The following FAM184B variants were observed in gnomAD, a reference collection of about 807,000 sequenced individuals.
The protein encoded by FAM184B is family with sequence similarity 184 member B, also known as protein FAM184B.
Under a neutral mutation model 135.9 loss-of-function variants are expected in FAM184B, and 111 were observed. That is an observed-to-expected ratio of 0.82 (90% CI 0.70 to 0.96). The LOEUF (loss-of-function observed/expected upper bound fraction) is 0.96. FAM184B is among the 40% of genes least tolerant of loss of function. The pLI is 0.00. For missense variants in FAM184B, 1,375 were observed against 1,323.9 expected, an observed-to-expected ratio of 1.04 and a Z score of -0.60; for synonymous variants, 552 against 524.8, an observed-to-expected ratio of 1.05 and a Z score of -0.71.
intron 10 of FAM184B, 87 bp from the exon 11 acceptor site, chr4:17,653,070 G>C (rs1715671593): frequency 7.6e-7 from 1 of 1,315,620 alleles, no homozygotes; most frequent in African/African-American, 1.5e-5. Context: ...TCTGAGCCAG[G>C]ATGCTCTGAA....
intron 5 of FAM184B, among the ~76,000 whole-genome samples, chr4:17,703,268 G>A (rs1480407970): frequency 2.0e-5 from 3 of 152,134 alleles, no homozygotes; most frequent in Non-Finnish European, 2.9e-5. Flanking sequence ...AGGCTAAGGT[G>A]GGAGGATCCC....
At chr4:17,645,974 A>G (rs2108933272) in intron 12 of FAM184B, among the ~76,000 whole-genome samples, 1 of 152,364 alleles carries the variant, frequency 6.6e-6, no homozygotes, top group East Asian at 1.9e-4. Flanking sequence ...GACACATGAA[A>G]AAAATGCTCA....
At position 17,777,396 on chromosome 4, in the gene FAM184B, TG is replaced by T. The variant is rs1374306137; in HGVS notation, c.141+3762del. ...TGAAAATGTCCCTAAAACTGGATTATGGTTATGGCTTAATGACTAAAACAAT... is the reference window on the plus strand; with the variant it reads ...TGAAAATGTCCCTAAAACTGGATTATGTTATGGCTTAATGACTAAAACAAT... On this transcript the variant is annotated intron_variant, in intron 1 of 17. Coordinates refer to ENST00000265018, the MANE Select transcript of FAM184B (RefSeq NM_015688.2). Among the ~76,000 whole-genome samples, 13 of 152,302 alleles carry T rather than the reference TG, an allele frequency of 8.5e-5. No homozygotes were observed. The East Asian group carries it at 2.5e-3, about 29-fold the overall frequency.
At position 17,724,239 on chromosome 4, in the gene FAM184B, G is replaced by A. The variant is rs1489211614; in HGVS notation, c.142-14595C>T. ...TTATCTTTAGATGGTAAGATTATGGGTGATCAATTTTTCTTCTTCTTTTTG... is the reference window on the plus strand; with the variant it reads ...TTATCTTTAGATGGTAAGATTATGGATGATCAATTTTTCTTCTTCTTTTTG... On this transcript the variant is annotated intron_variant, in intron 1 of 17. Coordinates refer to ENST00000265018, the MANE Select transcript of FAM184B (RefSeq NM_015688.2). Among the ~76,000 whole-genome samples, 11 of 152,250 alleles carry A rather than the reference G, an allele frequency of 7.2e-5. No homozygotes were observed. The South Asian group carries it at 1.0e-3, about 14-fold the overall frequency.
intron 14 of FAM184B, 135 bp downstream of exon 14, chr4:17,639,115 G>C (rs942866369): frequency 4.7e-6 from 4 of 856,628 alleles, no homozygotes; most frequent in Non-Finnish European, 7.1e-6. Flanking sequence ...TTCCAGGCAT[G>C]AGCCACCGTG....
At chr4:17,670,939 T>A (rs574338498) in intron 7 of FAM184B, among the ~76,000 whole-genome samples, 1 of 152,272 alleles carries the variant, frequency 6.6e-6, no homozygotes, top group East Asian at 1.9e-4. Flanking sequence ...GTTGTGCAAA[T>A]ACCAAGTATC....
chr4:17,644,628 C>A (rs1018503625), intron 12 of FAM184B, among the ~76,000 whole-genome samples: 1 of 152,146 alleles, frequency 6.6e-6, no homozygotes, highest in African/African-American at 2.4e-5. Flanking sequence ...CAGCCAATAT[C>A]ATATACTGAA....
At chr4:17,759,982 G>A (rs1412649500) in intron 1 of FAM184B, among the ~76,000 whole-genome samples, 7 of 152,118 alleles carry the variant, frequency 4.6e-5, no homozygotes, top group Admixed American at 6.5e-5. Flanking sequence ...TGTGGCAGCC[G>A]CTGATGTGAT....
At chr4:17,714,966 A>T (rs1365881164) in intron 1 of FAM184B, among the ~76,000 whole-genome samples, 1 of 152,090 alleles carries the variant, frequency 6.6e-6, no homozygotes, top group African/African-American at 2.4e-5. Flanking sequence ...AATCTGGTAA[A>T]TGGTTCCTCC....
chr4:17,664,964 C>T (rs1172319733), intron 7 of FAM184B, among the ~76,000 whole-genome samples: 1 of 152,168 alleles, frequency 6.6e-6, no homozygotes, highest in Non-Finnish European at 1.5e-5. Flanking sequence ...GGCTAGGGTG[C>T]CACCATCAGG....
intron 8 of FAM184B, among the ~76,000 whole-genome samples, chr4:17,662,067 C>T (rs1454333793): frequency 6.6e-6 from 1 of 152,176 alleles, no homozygotes; most frequent in East Asian, 1.9e-4. Context: ...TTTGCCTGAG[C>T]TTAAGCATCA....
rs1221840532 is a variant in FAM184B at position 17,708,945 on chromosome 4, G to C, written c.841C>G (p.Arg281Gly). ...TACTTCTTCAGGTCACTTATCTTGCGGCCTCTGTGCTCCAGGTCTCCTTCC... is the reference window on the plus strand; with the variant it reads ...TACTTCTTCAGGTCACTTATCTTGCCGCCTCTGTGCTCCAGGTCTCCTTCC... ...KLEGDLEHRGRKISDLKKYAQ... is the reference protein window; with the variant it reads ...KLEGDLEHRGGKISDLKKYAQ... The change falls in exon 2 of 18, where the codon CGC becomes GGC. Residue 281 changes from arginine to glycine, a missense_variant. Physicochemically the swap from Arg to Gly is moderately radical, Grantham distance 125 (BLOSUM62 -2). Transcript: ENST00000265018. 2.6e-6 allele frequency: 4 copies of C among 1,547,222 alleles called. No individual in the cohort carries two copies. The East Asian group carries it at 7.4e-5, about 28-fold the overall frequency.
chr4:17,780,107 G>A (rs1719006326), intron 1 of FAM184B, among the ~76,000 whole-genome samples: 1 of 152,120 alleles, frequency 6.6e-6, no homozygotes, highest in African/African-American at 2.4e-5. Flanking sequence ...GGGAGAAGGC[G>A]GCTAGTGTTC....
chr4:17,689,537 TATAACCCCA>T (rs1404391153), intron 6 of FAM184B, among the ~76,000 whole-genome samples: 1 of 152,112 alleles, frequency 6.6e-6, no homozygotes, highest in Non-Finnish European at 1.5e-5. Flanking sequence ...GATAAATGTT[TATAACCCCA>T]ATGACACTCA....
At chr4:17,721,144 G>A (rs1211147625) in intron 1 of FAM184B, among the ~76,000 whole-genome samples, 1 of 151,546 alleles carries the variant, frequency 6.6e-6, no homozygotes, top group South Asian at 2.1e-4. Flanking sequence ...CAGCACTTTC[G>A]GAGGCCGAGA....
At chr4:17,644,802 T>C (rs960019968) in intron 12 of FAM184B, among the ~76,000 whole-genome samples, 2 of 152,194 alleles carry the variant, frequency 1.3e-5, no homozygotes, top group Non-Finnish European at 2.9e-5. Flanking sequence ...TTGTCCCTGT[T>C]TGCAGACGAC....
intron 5 of FAM184B, among the ~76,000 whole-genome samples, chr4:17,699,791 C>G (rs1273515347): frequency 6.6e-6 from 1 of 151,976 alleles, no homozygotes; most frequent in Non-Finnish European, 1.5e-5. Context: ...GAAAATGACC[C>G]TTTTTTCTCA....
intron 12 of FAM184B, among the ~76,000 whole-genome samples, chr4:17,646,660 C>T (rs1442167653): frequency 6.6e-6 from 1 of 151,950 alleles, no homozygotes; most frequent in Non-Finnish European, 1.5e-5. Flanking sequence ...AGCACACCAA[C>T]ATGGCACATG....
rs1465350223 is a variant in FAM184B at position 17,707,796 on chromosome 4, G to T, written c.895-12C>A. 6.4e-7 allele frequency: 1 copy of T among 1,551,872 alleles called. No homozygotes were observed. The highest frequency in any genetic ancestry group is 8.7e-7 in the Non-Finnish European group (1 of 1,147,022). ...TGCACATCCAGGTCCTAAACAGACA[G>T]GAAGGGTCCCATTTCTCTGGTTATA... On this transcript the variant is annotated splice_polypyrimidine_tract_variant and intron_variant, in intron 2 of 17. Coordinates refer to ENST00000265018, the MANE Select transcript of FAM184B (RefSeq NM_015688.2).
Sources: allele counts gnomAD v4.1 joint callset (sites outside exome capture counted in the v4.1 genomes callset), GRCh38; gene constraint gnomAD v4.1.1; transcripts MANE v1.5; gene names NCBI Gene and HGNC (gene_info 2026-07-23, HGNC 2026-07-21).